ABCA4: variants seen among roughly 807,000 people sequenced by gnomAD.
ABCA4 encodes ATP binding cassette subfamily A member 4.
In ABCA4, 196 loss-of-function variants were observed where a neutral mutation model predicts 263.7. That is an observed-to-expected ratio of 0.74 (90% confidence interval 0.66 to 0.84). The LOEUF (loss-of-function observed/expected upper bound fraction) is 0.84, where lower values mean the gene tolerates loss of function less well. Among genes scored for constraint, ABCA4 ranks in the 40% least tolerant of loss-of-function variants. The pLI is 0.00. For synonymous variants in ABCA4, 1,133 were observed against 1,094.2 expected (o/e 1.04, Z -0.70); for missense variants, 2,792 against 2,855.1 (o/e 0.98, Z 0.50).
At position 94,014,358 on chromosome 1, in the gene ABCA4, AGAGGAAGGAAGGATGG is replaced by A. The variant is rs375415519; in HGVS notation, c.5460+169_5460+184del. On this transcript the variant is annotated intron_variant, in intron 38 of 49. Coordinates refer to ENST00000370225, the MANE Select transcript of ABCA4 (RefSeq NM_000350.3). The stretch of plus-strand genomic sequence containing the variant: ...AGGGAGGAGGGAGGAGAAGAAGGAA[AGAGGAAGGAAGGATGG>A]GAGGAAGGAAGGAAGGAAAGGAGGC... Among the ~76,000 whole-genome samples the A allele has an allele frequency of 0.011, 1,581 of 141,798 alleles. 24 individuals carry two copies. The highest frequency in any genetic ancestry group is 0.041 in the African/African-American group (1,500 of 36,626). 93.0% of individuals were successfully genotyped at this position (141,798 alleles called of 152,430 possible).
chr1:94,059,857 AAAT>A (rs1356637533), intron 14 of ABCA4, among the ~76,000 whole-genome samples: 1 of 152,240 alleles, frequency 6.6e-6, no homozygotes, highest in Admixed American at 6.5e-5. Flanking sequence ...GCGCATTGCA[AAAT>A]AATGTTTCAT....
At chr1:94,077,173 G>A (rs1224222859) in intron 11 of ABCA4, among the ~76,000 whole-genome samples, 1 of 152,242 alleles carries the variant, frequency 6.6e-6, no homozygotes, top group Non-Finnish European at 1.5e-5. Flanking sequence ...AATTAGGGAT[G>A]ACCCTGAAAT....
intron 26 of ABCA4, among the ~76,000 whole-genome samples, 187 bp from the exon 27 acceptor site, chr1:94,032,230 T>C (rs1003990080): frequency 2.0e-5 from 3 of 152,180 alleles, no homozygotes; most frequent in Admixed American, 2.0e-4. Context: ...TACAGAGAAA[T>C]TGTATAGATT....
intron 38 of ABCA4, among the ~76,000 whole-genome samples, chr1:94,012,912 G>T (rs573516849): frequency 1.3e-5 from 2 of 152,196 alleles, no homozygotes; most frequent in East Asian, 1.9e-4. Flanking sequence ...GATCTCACAC[G>T]GGCCGGCAGC....
At position 94,077,864 on chromosome 1, in the gene ABCA4, T is replaced by C. The variant is rs1400974736; in HGVS notation, c.1380A>G (p.Val460=). The change falls in exon 11 of 50, where the codon GTA becomes GTG. Residue 460 remains valine (V), a synonymous_variant. Transcript: ENST00000370225. ...CAAGCTGCCTATTCAAAAAGTCTTT[T>C]ACTGTTGGGTTCCCCAGGGTATCCT... ...MIRDTLGNPT[V]KDFLNRQLGE... 1 of 1,614,248 alleles carries C rather than the reference T, an allele frequency of 6.2e-7. No homozygotes were observed. The highest frequency in any genetic ancestry group is 2.2e-5 in the East Asian group (1 of 44,892).
Position 94,098,849 on chromosome 1 carries a change from T to G in ABCA4, c.713A>C (p.Gln238Pro), listed in dbSNP as rs1662208812. The change falls in exon 6 of 50, where the codon CAG (glutamine) becomes CCG (proline). Residue 238 changes from glutamine to proline, a missense_variant. Gln to Pro is a moderately conservative substitution (Grantham distance 76). Coordinates refer to ENST00000370225, the MANE Select transcript of ABCA4 (RefSeq NM_000350.3). Reference protein sequence around the residue: ...ALCSLSQGTLQWIEDTLYANV... With the variant: ...ALCSLSQGTLPWIEDTLYANV... ...GGCATACAGAGTGTCTTCTATCCAC[T>G]GTAGGGTGCCCTGGGAGAGGGAGCA... The G allele has an allele frequency of 6.2e-7, 1 of 1,614,070 alleles. No individual in the cohort carries two copies. The highest frequency in any genetic ancestry group is 8.5e-7 in the Non-Finnish European group (1 of 1,180,044).
intron 1 of ABCA4, among the ~76,000 whole-genome samples, chr1:94,118,460 A>G (rs1662860210): frequency 6.6e-6 from 1 of 152,122 alleles, no homozygotes; most frequent in Non-Finnish European, 1.5e-5. Flanking sequence ...CTTTTCTTAG[A>G]GGGACCATCT....
Position 94,095,988 on chromosome 1 carries a change from G to A in ABCA4, c.768+2806C>T, listed in dbSNP as rs574195176. 1.1e-4 allele frequency among the ~76,000 whole-genome samples: 16 copies of A among 152,204 alleles called. 1 individual carries two copies. The highest frequency in any genetic ancestry group is 6.2e-4 in the South Asian group (3 of 4,818). On this transcript the variant is annotated intron_variant, in intron 6 of 49. Coordinates refer to ENST00000370225, the MANE Select transcript of ABCA4 (RefSeq NM_000350.3). ...CTCCCGGTCCACTGCAGGCTCTGTC[G>A]CTCACCAGCTTTGTTAAGAGAACAG...
chr1:94,073,271 C>T (rs1220227697), intron 11 of ABCA4, among the ~76,000 whole-genome samples: 2 of 152,186 alleles, frequency 1.3e-5, no homozygotes, highest in Non-Finnish European at 2.9e-5. Flanking sequence ...TCCTCCTCCC[C>T]CACCCCAAGG....
At chr1:94,007,836 T>A in intron 42 of ABCA4, 96 bp from the exon 43 acceptor site, 1 of 1,174,436 alleles carries the variant, frequency 8.5e-7, no homozygotes, top group Non-Finnish European at 1.3e-6. Flanking sequence ...GGGGGAGGAA[T>A]TTTAGACCTG....
Position 94,056,842 on chromosome 1 carries a change from C to T in ABCA4, c.2161-20G>A, listed in dbSNP as rs763867265. On this transcript the variant is annotated intron_variant, in intron 14 of 49. Transcript: ENST00000370225. ...TCCATGCTGAAACCAAGAGGCCATG[C>T]GTCAGTAACTCCTGCCCTTGGCCGG... The T allele has an allele frequency of 6.4e-6, 10 of 1,568,762 alleles. No homozygotes were observed. The highest frequency in any genetic ancestry group is 4.1e-5 in the African/African-American group (3 of 73,790).
chr1:94,011,929 C>T (rs1414128726), intron 38 of ABCA4, among the ~76,000 whole-genome samples: 1 of 135,740 alleles, frequency 7.4e-6, no homozygotes, highest in African/African-American at 2.8e-5. Context: ...GAGCCATCTC[C>T]AGCTCTGCTT....
intron 16 of ABCA4, among the ~76,000 whole-genome samples, chr1:94,053,899 G>A (rs998472618): frequency 2.0e-5 from 3 of 152,174 alleles, no homozygotes; most frequent in Non-Finnish European, 4.4e-5. Context: ...ACCTATTTCT[G>A]CCAACAAAGG....
chr1:94,051,477 T>C (rs1215846076), intron 17 of ABCA4, among the ~76,000 whole-genome samples, 156 bp downstream of exon 17: 1 of 152,208 alleles, frequency 6.6e-6, no homozygotes, highest in African/African-American at 2.4e-5. Context: ...CCCCAGACGC[T>C]GCAATGCCCA....
At chr1:94,055,023 G>A (rs1408137946) in intron 16 of ABCA4, 88 bp downstream of exon 16, 4 of 1,325,300 alleles carry the variant, frequency 3.0e-6, no homozygotes, top group South Asian at 1.2e-5. Flanking sequence ...AAAGAGCTTG[G>A]AAGAAATGAA....
In ABCA4 at chr1:94,043,474, G is replaced by C; in HGVS notation, c.3052C>G (p.Leu1018Val). The C allele has an allele frequency of 6.2e-7, 1 of 1,614,168 alleles. No homozygotes were observed. The highest frequency in any genetic ancestry group is 8.5e-7 in the Non-Finnish European group (1 of 1,180,022). ...AACAGCATGTGCTCAGCCACCGTGA[G>C]GCTAGGAGGATGGGACAACGAGAAA... Reference protein sequence around the residue: ...CPQHNILFHHLTVAEHMLFYA... With the variant: ...CPQHNILFHHVTVAEHMLFYA... The change falls in exon 21 of 50, where the codon CTC (leucine) becomes GTC (valine). Residue 1018 changes from leucine to valine, a missense_variant and splice_region_variant. Physicochemically the swap from Leu to Val is conservative, Grantham distance 32 (BLOSUM62 1). Coordinates refer to ENST00000370225, the MANE Select transcript of ABCA4 (RefSeq NM_000350.3).
intron 2 of ABCA4, 151 bp downstream of exon 2, chr1:94,112,822 T>G: frequency 1.4e-6 from 1 of 709,184 alleles, no homozygotes; most frequent in South Asian, 1.6e-5. Context: ...TTATAATTTG[T>G]GTAACATTGA....
intron 19 of ABCA4, chr1:94,045,932 G>T (rs1372163941): frequency 4.4e-6 from 2 of 456,238 alleles, no homozygotes; most frequent in African/African-American, 2.0e-5. Context: ...GATGGCGCTC[G>T]GGTCCCTTGG....
chr1:94,112,011 G>A (rs969135790), intron 2 of ABCA4, among the ~76,000 whole-genome samples: 1 of 152,210 alleles, frequency 6.6e-6, no homozygotes, highest in Non-Finnish European at 1.5e-5. Flanking sequence ...TGGGCTCCTC[G>A]GGGAGAGGTA....
Sources: gnomAD v4.1 joint callset for allele counts (sites outside exome capture counted in the v4.1 genomes callset) on GRCh38, gnomAD v4.1.1 for gene constraint, MANE v1.5 for transcripts, NCBI Gene and HGNC (gene_info 2026-07-23, HGNC 2026-07-21) for gene names.